GRAMD2B: variants seen among roughly 807,000 people sequenced by gnomAD.
GRAMD2B encodes GRAM domain containing 2B, also known as GRAM domain-containing protein 2B.
A neutral mutation model predicts 59.2 loss-of-function variants in GRAMD2B; 41 were observed. That is an observed-to-expected ratio of 0.69 (90% CI 0.54 to 0.90). The LOEUF (loss-of-function observed/expected upper bound fraction) is 0.90, where lower values mean the gene tolerates loss of function less well. Among genes scored for constraint, GRAMD2B ranks in the 40% least tolerant of loss-of-function variants. The probability of loss-of-function intolerance (pLI) is 0.00; values close to 1 mark genes in which losing one functional copy is unlikely to be tolerated. For missense variants in GRAMD2B, 424 were observed against 500.5 expected, an observed-to-expected ratio of 0.85 and a Z score of 1.46; for synonymous variants, 161 against 182.7, an observed-to-expected ratio of 0.88 and a Z score of 0.96.
In GRAMD2B at chr5:126,477,759, C is replaced by T. The variant is rs1425112770; in HGVS notation, c.554C>T (p.Ala185Val). The change falls in exon 6 of 14, where the codon GCC becomes GTC. Residue 185 changes from alanine to valine, a missense_variant. Coordinates refer to ENST00000285689, the MANE Select transcript of GRAMD2B (RefSeq NM_023927.4). ...AAAACTGCTCTTCTAGTGCCAAACG[C>T]CCTGATCATAGCAACAGTCACAGAC... ...KTKTALLVPN[A>V]LIIATVTDRY... The T allele has an allele frequency of 6.2e-7, 1 of 1,611,430 alleles. No homozygotes were observed. The highest frequency in any genetic ancestry group is 8.5e-7 in the Non-Finnish European group (1 of 1,177,568).
intron 1 of GRAMD2B, among the ~76,000 whole-genome samples, chr5:126,399,729 T>C (rs919221941): frequency 2.0e-5 from 3 of 152,226 alleles, no homozygotes; most frequent in Non-Finnish European, 4.4e-5. Context: ...TTTAACATTA[T>C]ACAGTGATCT....
chr5:126,430,511 A>C (rs1214208661), intron 1 of GRAMD2B, among the ~76,000 whole-genome samples: 2 of 152,100 alleles, frequency 1.3e-5, no homozygotes, highest in Non-Finnish European at 2.9e-5. Context: ...ATTTATTCTT[A>C]ATCCTTATTT....
At chr5:126,488,920 G>A (rs1773444040) in intron 13 of GRAMD2B, 28 bp downstream of exon 13, 3 of 1,535,480 alleles carry the variant, frequency 2.0e-6, no homozygotes, top group Non-Finnish European at 2.7e-6. Context: ...TGTGTATGGG[G>A]GCAGTCACAG....
At chr5:126,451,568 G>A (rs1025203766) in intron 1 of GRAMD2B, among the ~76,000 whole-genome samples, 3 of 152,172 alleles carry the variant, frequency 2.0e-5, no homozygotes, top group South Asian at 2.1e-4. Flanking sequence ...AGGCTCATTA[G>A]TGGTAGGAGA....
upstream of GRAMD2B, among the ~76,000 whole-genome samples, chr5:126,370,978 G>C (rs1401585573): frequency 6.6e-6 from 1 of 152,218 alleles, no homozygotes; most frequent in African/African-American, 2.4e-5. Flanking sequence ...CAGTGTGCTG[G>C]TCATTTCCTG....
At chr5:126,404,470 C>T (rs1240527303) in intron 1 of GRAMD2B, among the ~76,000 whole-genome samples, 1 of 151,746 alleles carries the variant, frequency 6.6e-6, no homozygotes, top group Non-Finnish European at 1.5e-5. Flanking sequence ...AACAAATAAC[C>T]AATTCCTAAG....
At chr5:126,451,667 T>G (rs931832960) in intron 1 of GRAMD2B, among the ~76,000 whole-genome samples, 1 of 152,322 alleles carries the variant, frequency 6.6e-6, no homozygotes, top group Admixed American at 6.5e-5. Flanking sequence ...GATTGTATTT[T>G]GCAATGTGAG....
At chr5:126,392,312 A>AG (rs1226354229) in intron 1 of GRAMD2B, among the ~76,000 whole-genome samples, 1 of 152,336 alleles carries the variant, frequency 6.6e-6, no homozygotes, top group Admixed American at 6.5e-5. Context: ...GGTGGATCAC[A>AG]GGGGGAAAGA....
At chr5:126,442,022 A>G (rs1265244832) in intron 1 of GRAMD2B, among the ~76,000 whole-genome samples, 1 of 151,990 alleles carries the variant, frequency 6.6e-6, no homozygotes, top group Non-Finnish European at 1.5e-5. Context: ...TATGTAAAAA[A>G]TCTATGAATG....
chr5:126,402,377 G>A (rs1004934345), intron 1 of GRAMD2B, among the ~76,000 whole-genome samples: 4 of 152,030 alleles, frequency 2.6e-5, no homozygotes, highest in Non-Finnish European at 5.9e-5. Context: ...GAACCCAAGG[G>A]TTGGCTAACC....
Position 126,480,455 on chromosome 5 carries a change from G to A in GRAMD2B, c.583-1G>A. On this transcript the variant is annotated splice_acceptor_variant, in intron 6 of 13. Transcript: ENST00000285689. LOFTEE classifies it high-confidence loss of function. ...CATAATTATCCTGTTTTGTTTTTCAGTACATATTTGTCTCCTTACTCTCCA... is the reference window on the plus strand; with the variant it reads ...CATAATTATCCTGTTTTGTTTTTCAATACATATTTGTCTCCTTACTCTCCA... 1 of 1,604,654 alleles carries A rather than the reference G, an allele frequency of 6.2e-7. No individual in the cohort carries two copies. The highest frequency in any genetic ancestry group is 8.5e-7 in the Non-Finnish European group (1 of 1,171,598).
intron 1 of GRAMD2B, among the ~76,000 whole-genome samples, chr5:126,386,949 T>C (rs1211619876): frequency 1.3e-5 from 2 of 152,230 alleles, no homozygotes; most frequent in East Asian, 3.8e-4. Flanking sequence ...GGTTTTGTTT[T>C]ACCTATTTGT....
At chr5:126,371,624 C>T in intron 1 of GRAMD2B, 1 of 1,240,666 alleles carries the variant, frequency 8.1e-7, no homozygotes. Context: ...CCTCAGCTAC[C>T]CAACTGGTGA....
chr5:126,385,795 G>A (rs1756072635), intron 1 of GRAMD2B, among the ~76,000 whole-genome samples: 1 of 152,170 alleles, frequency 6.6e-6, no homozygotes, highest in Non-Finnish European at 1.5e-5. Flanking sequence ...AGGGAGCAAT[G>A]GGGGGTGCAA....
At chr5:126,458,367 A>G (rs1297320433) in intron 1 of GRAMD2B, among the ~76,000 whole-genome samples, 1 of 151,956 alleles carries the variant, frequency 6.6e-6, no homozygotes, top group Admixed American at 6.6e-5. Context: ...CCTGGGAGGC[A>G]GAGGTTGCAG....
At chr5:126,470,321 T>G (rs1270300838) in intron 3 of GRAMD2B, among the ~76,000 whole-genome samples, 3 of 152,208 alleles carry the variant, frequency 2.0e-5, no homozygotes, top group Admixed American at 2.0e-4. Context: ...GGACAGGAGT[T>G]TGGGGTTTTT....
At chr5:126,474,750 G>T (rs935273023) in intron 5 of GRAMD2B, among the ~76,000 whole-genome samples, 2 of 152,236 alleles carry the variant, frequency 1.3e-5, no homozygotes, top group African/African-American at 2.4e-5. Context: ...TCTAGCAATG[G>T]TTTTAAAGTT....
intron 1 of GRAMD2B, among the ~76,000 whole-genome samples, chr5:126,394,278 A>T (rs964521137): frequency 2.6e-5 from 4 of 151,740 alleles, no homozygotes; most frequent in African/African-American, 9.7e-5. Context: ...CTGTCTCAAA[A>T]AAAAAAAAAA....
intron 2 of GRAMD2B, 86 bp from the exon 3 acceptor site, chr5:126,469,591 T>G: frequency 1.2e-6 from 1 of 851,154 alleles, no homozygotes; most frequent in South Asian, 1.5e-5. Flanking sequence ...ACCGTGATCA[T>G]GCTGCTGCAC....
Sources: allele counts gnomAD v4.1 joint callset (sites outside exome capture counted in the v4.1 genomes callset), GRCh38; gene constraint gnomAD v4.1.1; transcripts MANE v1.5; gene names NCBI Gene and HGNC (gene_info 2026-07-23, HGNC 2026-07-21).